Variants in MYO1D observed in about 807,000 individuals in gnomAD.
The protein encoded by MYO1D is unconventional myosin-Id.
A neutral mutation model predicts 122.0 loss-of-function variants in MYO1D; 83 were observed. The ratio of observed to expected loss-of-function variants is 0.68; its 90% CI spans 0.57 to 0.82. The LOEUF is 0.82. Among genes scored for constraint, MYO1D ranks in the 40% least tolerant of loss-of-function variants. The probability of loss-of-function intolerance (pLI) is 0.00; values close to 1 mark genes in which losing one functional copy is unlikely to be tolerated. For synonymous variants in MYO1D, 464 were observed against 446.9 expected (o/e 1.04, Z -0.48); for missense variants, 1,157 against 1,269.5 (o/e 0.91, Z 1.35).
intron 16 of MYO1D, among the ~76,000 whole-genome samples, chr17:32,687,823 T>A (rs2089039905): frequency 6.6e-6 from 1 of 152,186 alleles, no homozygotes; most frequent in Non-Finnish European, 1.5e-5. Context: ...TATTGAATCA[T>A]GATAAGTACA....
rs181142057 is a variant in MYO1D at position 32,832,500 on chromosome 17, G to A, written c.95+44278C>T. 4.0e-3 allele frequency among the ~76,000 whole-genome samples: 612 copies of A among 151,998 alleles called. 2 individuals carry two copies. The highest frequency in any genetic ancestry group is 0.029 in the South Asian group (139 of 4,796). ...TTTTTAGTAGACACGGAGTTTCACC[G>A]TGTTAGCCAGGATGGTCTCGATCTC... On this transcript the variant is annotated intron_variant, in intron 1 of 21. Coordinates refer to ENST00000318217, the MANE Select transcript of MYO1D (RefSeq NM_015194.3).
intron 21 of MYO1D, among the ~76,000 whole-genome samples, chr17:32,499,620 C>T (rs1277329683): frequency 6.6e-6 from 1 of 151,648 alleles, no homozygotes. Context: ...GGTGACAGGG[C>T]AAGACTCTGT....
chr17:32,554,487 A>G (rs1203575647), intron 21 of MYO1D, among the ~76,000 whole-genome samples: 1 of 152,248 alleles, frequency 6.6e-6, no homozygotes, highest in African/African-American at 2.4e-5. Context: ...AAAAATTATT[A>G]AAATTTGTAA....
At chr17:32,632,106 G>T (rs995067815) in intron 20 of MYO1D, among the ~76,000 whole-genome samples, 1 of 152,162 alleles carries the variant, frequency 6.6e-6, no homozygotes, top group African/African-American at 2.4e-5. Context: ...CCTTATAAGT[G>T]AGTGAGAAAT....
At chr17:32,876,608 G>A (rs1439626236) in intron 1 of MYO1D, among the ~76,000 whole-genome samples, 170 bp downstream of exon 1, 2 of 152,126 alleles carry the variant, frequency 1.3e-5, no homozygotes, top group Non-Finnish European at 2.9e-5. Context: ...GTCCGCTCTC[G>A]GGAAAGCGCA....
chr17:32,786,665 C>G (rs930405691), intron 1 of MYO1D, among the ~76,000 whole-genome samples: 1 of 152,052 alleles, frequency 6.6e-6, no homozygotes. Flanking sequence ...ACTAAAAATA[C>G]AAAAATTAGC....
intron 1 of MYO1D, among the ~76,000 whole-genome samples, chr17:32,791,288 G>A (rs1006653422): frequency 6.8e-6 from 1 of 147,454 alleles, no homozygotes; most frequent in African/African-American, 2.5e-5. Flanking sequence ...CGCTTGAACC[G>A]AGGAGGCAGA....
chr17:32,822,658 T>C (rs1353313357), intron 1 of MYO1D, among the ~76,000 whole-genome samples: 2 of 149,166 alleles, frequency 1.3e-5, no homozygotes, highest in East Asian at 4.0e-4. Flanking sequence ...CGGGCCCCGG[T>C]GGGGCGGCCA....
intron 1 of MYO1D, among the ~76,000 whole-genome samples, chr17:32,827,245 G>A (rs146895667): frequency 1.4e-3 from 216 of 152,300 alleles, no homozygotes; most frequent in African/African-American, 4.9e-3. Context: ...CTATAACATG[G>A]ATAAACCTTG....
chr17:32,732,279 C>T (rs558697864), intron 14 of MYO1D, among the ~76,000 whole-genome samples: 127 of 152,300 alleles, frequency 8.3e-4, no homozygotes, highest in African/African-American at 3.0e-3. Context: ...TGGTGAAATC[C>T]CACCTTTGGG....
chr17:32,795,692 G>A (rs965263521), intron 1 of MYO1D, among the ~76,000 whole-genome samples: 1 of 151,934 alleles, frequency 6.6e-6, no homozygotes, highest in African/African-American at 2.4e-5. Flanking sequence ...CTCAGGCCCA[G>A]TTCCAAGGTG....
chr17:32,730,229 A>G (rs1001030311), intron 14 of MYO1D, among the ~76,000 whole-genome samples: 1 of 151,876 alleles, frequency 6.6e-6, no homozygotes, highest in Non-Finnish European at 1.5e-5. Flanking sequence ...TTAACTCATC[A>G]GAGTTGAACG....
chr17:32,646,133 A>C (rs933809208), intron 19 of MYO1D, among the ~76,000 whole-genome samples: 3 of 152,106 alleles, frequency 2.0e-5, no homozygotes, highest in Non-Finnish European at 4.4e-5. Flanking sequence ...TCAGGATCCC[A>C]TGAATATATT....
intron 1 of MYO1D, among the ~76,000 whole-genome samples, chr17:32,827,442 G>T (rs538998667): frequency 4.1e-4 from 62 of 152,296 alleles, no homozygotes; most frequent in African/African-American, 1.5e-3. Flanking sequence ...TAGAGTTTCA[G>T]TTTGAGATGA....
At chr17:32,566,216 GA>G (rs1393830224) in intron 21 of MYO1D, among the ~76,000 whole-genome samples, 2 of 149,898 alleles carry the variant, frequency 1.3e-5, no homozygotes, top group African/African-American at 4.9e-5. Context: ...ATACGAAAAG[GA>G]AGTACAACTG....
rs754374941 is a variant in MYO1D at position 32,646,562 on chromosome 17, A to T, written c.2595+7281T>A. 6.8e-4 allele frequency among the ~76,000 whole-genome samples: 104 copies of T among 152,258 alleles called. 2 individuals are homozygous for T. Among genetic ancestry groups the T allele is most frequent in the Middle Eastern group, 6.8e-3 (2 of 294 alleles). ...AGTGTAGGGCAAAAGAATATGATTTAAAAAACCTGTTACATAATTTCATAA... is the reference window on the plus strand; with the variant it reads ...AGTGTAGGGCAAAAGAATATGATTTTAAAAACCTGTTACATAATTTCATAA... On this transcript the variant is annotated intron_variant, in intron 19 of 21. Coordinates refer to ENST00000318217, the MANE Select transcript of MYO1D (RefSeq NM_015194.3).
intron 21 of MYO1D, among the ~76,000 whole-genome samples, chr17:32,542,567 G>A (rs1302120085): frequency 8.6e-5 from 13 of 150,822 alleles, no homozygotes; most frequent in African/African-American, 3.2e-4. Context: ...GTTCACACCC[G>A]GCAGCATGTG....
At position 32,738,394 on chromosome 17, in the gene MYO1D, C is replaced by T; in HGVS notation, c.1614-9G>A. 1 of 1,555,638 alleles carries T rather than the reference C, an allele frequency of 6.4e-7. No homozygotes were observed. Among genetic ancestry groups the T allele is most frequent in the South Asian group, 1.3e-5 (1 of 79,508 alleles). ...TGAGCACAGGATTTGAACTGAGAAG[C>T]ACAGAAAAAACAATTCAAATGTCAC... is the stretch of plus-strand genomic sequence containing the variant. On this transcript the variant is annotated splice_polypyrimidine_tract_variant and intron_variant, in intron 13 of 21. Coordinates refer to ENST00000318217, the MANE Select transcript of MYO1D (RefSeq NM_015194.3).
At chr17:32,837,062 T>C (rs546316033) in intron 1 of MYO1D, among the ~76,000 whole-genome samples, 2 of 152,064 alleles carry the variant, frequency 1.3e-5, no homozygotes, top group African/African-American at 2.4e-5. Context: ...TCCTTTTTTT[T>C]AAATGGTTCA....
Sources: allele counts gnomAD v4.1 joint callset (sites outside exome capture counted in the v4.1 genomes callset), GRCh38; gene constraint gnomAD v4.1.1; transcripts MANE v1.5; gene names NCBI Gene and HGNC (gene_info 2026-07-23, HGNC 2026-07-21).